Variants in SSH2 observed in about 807,000 individuals in gnomAD.
The protein encoded by SSH2 is slingshot protein phosphatase 2, also known as protein phosphatase Slingshot homolog 2.
In SSH2, 37 loss-of-function variants were observed where a neutral mutation model predicts 135.2. The ratio of observed to expected loss-of-function variants is 0.27; its 90% CI spans 0.21 to 0.36. SSH2 has a LOEUF of 0.36. Among genes scored for constraint, SSH2 ranks in the 10% least tolerant of loss-of-function variants. The pLI, the probability that SSH2 is intolerant of heterozygous loss-of-function variation, is 1.00. For synonymous variants in SSH2, 628 were observed against 646.2 expected (o/e 0.97, Z 0.43); for missense variants, 1,408 against 1,765.3 (o/e 0.80, Z 3.63).
chr17:29,646,413 A>C (rs1301544005), intron 14 of SSH2, among the ~76,000 whole-genome samples: 4 of 152,180 alleles, frequency 2.6e-5, no homozygotes, highest in Admixed American at 2.6e-4. Flanking sequence ...AGAAACTGGT[A>C]ATGTCAACTG....
chr17:29,650,557 G>C (rs2036545688), intron 13 of SSH2, 97 bp downstream of exon 13: 8 of 1,183,200 alleles, frequency 6.8e-6, no homozygotes, highest in Middle Eastern at 2.1e-4. Flanking sequence ...TTTTTCCTGA[G>C]TACCATCAGT....
At chr17:29,736,045 C>T (rs549872896) in intron 3 of SSH2, among the ~76,000 whole-genome samples, 1 of 152,026 alleles carries the variant, frequency 6.6e-6, no homozygotes, top group East Asian at 1.9e-4. Context: ...TGCAGTGAGC[C>T]GAGATTGCGC....
At chr17:29,666,735 G>T in intron 11 of SSH2, 132 bp downstream of exon 11, 1 of 788,694 alleles carries the variant, frequency 1.3e-6, no homozygotes, top group Non-Finnish European at 2.0e-6. Flanking sequence ...GATGAGGTTT[G>T]AGTACTTATC....
At chr17:29,897,857 A>G (rs1194901978) in intron 1 of SSH2, among the ~76,000 whole-genome samples, 2 of 152,166 alleles carry the variant, frequency 1.3e-5, no homozygotes, top group African/African-American at 4.8e-5. Flanking sequence ...ACTTATTCCA[A>G]AATTGACCAC....
At chr17:29,817,758 T>C (rs1252131450) in intron 2 of SSH2, among the ~76,000 whole-genome samples, 1 of 152,058 alleles carries the variant, frequency 6.6e-6, no homozygotes, top group Non-Finnish European at 1.5e-5. Flanking sequence ...TTGTATACTT[T>C]ATTTATTTAT....
At chr17:29,643,784 G>A (rs1366260184) in intron 14 of SSH2, among the ~76,000 whole-genome samples, 1 of 152,136 alleles carries the variant, frequency 6.6e-6, no homozygotes, top group Non-Finnish European at 1.5e-5. Flanking sequence ...GTGAGTCACC[G>A]TGCCCGGCTG....
intron 1 of SSH2, among the ~76,000 whole-genome samples, chr17:29,918,279 A>G (rs1291361123): frequency 6.6e-6 from 1 of 152,042 alleles, no homozygotes; most frequent in Non-Finnish European, 1.5e-5. Flanking sequence ...TTGCTTTCTG[A>G]CTCTGACAAA....
intron 3 of SSH2, chr17:29,761,034 G>C: frequency 9.1e-7 from 1 of 1,102,230 alleles, no homozygotes; most frequent in Non-Finnish European, 1.2e-6. Context: ...CAGGCAAGCA[G>C]GATGCGCGCT....
intron 2 of SSH2, among the ~76,000 whole-genome samples, chr17:29,846,685 T>G (rs1487259511): frequency 2.0e-5 from 3 of 152,162 alleles, no homozygotes; most frequent in Non-Finnish European, 2.9e-5. Context: ...GTGAATGAGG[T>G]CCTGAAATGG....
At chr17:29,824,355 A>G (rs936005829) in intron 2 of SSH2, among the ~76,000 whole-genome samples, 5 of 152,208 alleles carry the variant, frequency 3.3e-5, no homozygotes, top group African/African-American at 1.2e-4. Context: ...ATATGGCATC[A>G]CGATGACTGC....
intron 1 of SSH2, among the ~76,000 whole-genome samples, chr17:29,887,202 T>C (rs1328115920): frequency 6.6e-6 from 1 of 152,168 alleles, no homozygotes; most frequent in East Asian, 1.9e-4. Context: ...AGATCAGTAG[T>C]AGTGTTATAA....
At chr17:29,799,280 A>G (rs534313763) in intron 2 of SSH2, among the ~76,000 whole-genome samples, 3 of 152,292 alleles carry the variant, frequency 2.0e-5, no homozygotes, top group Non-Finnish European at 2.9e-5. Context: ...AAAATATATC[A>G]ACAGTATATA....
intron 3 of SSH2, among the ~76,000 whole-genome samples, chr17:29,704,575 T>C (rs2039120467): frequency 1.3e-5 from 2 of 151,826 alleles, no homozygotes; most frequent in Non-Finnish European, 2.9e-5. Context: ...TGGTATCACA[T>C]GCCTGTAGTC....
At chr17:29,873,644 A>G (rs2065977077) in intron 1 of SSH2, among the ~76,000 whole-genome samples, 1 of 152,172 alleles carries the variant, frequency 6.6e-6, no homozygotes, top group South Asian at 2.1e-4. Context: ...TCCAGAAGAA[A>G]GGTTGAGCTG....
chr17:29,726,639 T>C (rs1390916531), intron 3 of SSH2, among the ~76,000 whole-genome samples: 1 of 152,134 alleles, frequency 6.6e-6, no homozygotes, highest in Non-Finnish European at 1.5e-5. Context: ...AATGGTAAAT[T>C]TACTCCATGA....
intron 3 of SSH2, among the ~76,000 whole-genome samples, chr17:29,729,217 A>C (rs2040099547): frequency 6.6e-6 from 1 of 152,260 alleles, no homozygotes; most frequent in Admixed American, 6.5e-5. Context: ...TCTGATTTAA[A>C]AATGGGCAAA....
At chr17:29,913,336 A>T (rs1398090157) in intron 1 of SSH2, among the ~76,000 whole-genome samples, 1 of 55,090 alleles carries the variant, frequency 1.8e-5, no homozygotes, top group Non-Finnish European at 3.8e-5. Context: ...AAAAAAAAAA[A>T]AAAAAAAAAA....
intron 3 of SSH2, among the ~76,000 whole-genome samples, chr17:29,725,258 A>T (rs995686641): frequency 2.1e-5 from 3 of 144,028 alleles, no homozygotes; most frequent in African/African-American, 7.8e-5. Context: ...GAGGCAGGAG[A>T]ATTGCTTGAA....
intron 3 of SSH2, among the ~76,000 whole-genome samples, chr17:29,712,933 C>G (rs530515807): frequency 6.6e-6 from 1 of 152,342 alleles, no homozygotes; most frequent in South Asian, 2.1e-4. Context: ...CTTAAGCCCC[C>G]ATGTCATCTG....
Sources: gnomAD v4.1 joint callset for allele counts (sites outside exome capture counted in the v4.1 genomes callset) on GRCh38, gnomAD v4.1.1 for gene constraint, MANE v1.5 for transcripts, NCBI Gene and HGNC (gene_info 2026-07-23, HGNC 2026-07-21) for gene names.